Variants in VPS13B observed in about 807,000 individuals in gnomAD.
The protein encoded by VPS13B is intermembrane lipid transfer protein VPS13B.
VPS13B carries 285 observed loss-of-function variants against 426.4 expected under a neutral mutation model. That is an observed-to-expected ratio of 0.67 (90% CI 0.61 to 0.74). The LOEUF (loss-of-function observed/expected upper bound fraction) is 0.74. Among genes scored for constraint, VPS13B ranks in the 30% least tolerant of loss-of-function variants. The pLI, the probability that VPS13B is intolerant of heterozygous loss-of-function variation, is 0.00. For missense variants in VPS13B, 4,537 were observed against 4,782.6 expected (o/e 0.95, Z 1.51); for synonymous variants, 1,676 against 1,676.4 (o/e 1.00, Z 0.01).
At chr8:99,735,706 A>G (rs1833795667) in intron 39 of VPS13B, among the ~76,000 whole-genome samples, 1 of 152,200 alleles carries the variant, frequency 6.6e-6, no homozygotes, top group African/African-American at 2.4e-5. Context: ...GGAAACTAAT[A>G]CAGGAATCAA....
intron 34 of VPS13B, among the ~76,000 whole-genome samples, chr8:99,659,035 A>G (rs1282832350): frequency 2.0e-5 from 3 of 152,034 alleles, no homozygotes; most frequent in Non-Finnish European, 2.9e-5. Flanking sequence ...GGGTTTCACC[A>G]TGTCACCCAG....
At chr8:99,490,634 G>T (rs957650054) in intron 25 of VPS13B, among the ~76,000 whole-genome samples, 4 of 152,160 alleles carry the variant, frequency 2.6e-5, no homozygotes, top group African/African-American at 4.8e-5. Context: ...TCTTGGGAGG[G>T]TGTATATGTC....
chr8:99,696,876 A>G (rs750409324), intron 35 of VPS13B: 212 of 820,404 alleles, frequency 2.6e-4, no homozygotes, highest in Non-Finnish European at 4.0e-4. Context: ...ATCGGCATCA[A>G]CAACTTCTGC....
chr8:99,512,304 A>C (rs1821833107), intron 29 of VPS13B, among the ~76,000 whole-genome samples: 1 of 152,230 alleles, frequency 6.6e-6, no homozygotes, highest in Non-Finnish European at 1.5e-5. Context: ...AAGAATAAAG[A>C]GTTAGTCTTT....
intron 25 of VPS13B, among the ~76,000 whole-genome samples, chr8:99,497,087 AAT>A (rs1233714430): frequency 4.2e-5 from 6 of 143,808 alleles, no homozygotes; most frequent in Non-Finnish European, 9.1e-5. Context: ...AATATATATA[AAT>A]ATATATATTT....
At chr8:99,544,141 T>C (rs1469313317) in intron 30 of VPS13B, among the ~76,000 whole-genome samples, 1 of 151,692 alleles carries the variant, frequency 6.6e-6, no homozygotes, top group East Asian at 1.9e-4. Flanking sequence ...CCATAAAAAA[T>C]GATGAGTTCA....
chr8:99,055,399 A>G (rs1409919021), intron 3 of VPS13B, among the ~76,000 whole-genome samples: 1 of 152,114 alleles, frequency 6.6e-6, no homozygotes, highest in Non-Finnish European at 1.5e-5. Flanking sequence ...ATGAATTTGA[A>G]GATTAGCTTT....
At chr8:99,044,472 C>T (rs928492477) in intron 3 of VPS13B, among the ~76,000 whole-genome samples, 13 of 151,366 alleles carry the variant, frequency 8.6e-5, no homozygotes, top group Non-Finnish European at 1.5e-4. Flanking sequence ...TACAATCAAC[C>T]ATTTTATTTT....
chr8:99,649,906 G>A (rs1466622253), intron 34 of VPS13B, among the ~76,000 whole-genome samples: 2 of 152,020 alleles, frequency 1.3e-5, no homozygotes, highest in African/African-American at 2.4e-5. Context: ...TCATCACAAC[G>A]TCGGTTATAG....
At chr8:99,119,155 C>T (rs551502634) in intron 7 of VPS13B, among the ~76,000 whole-genome samples, 1 of 151,882 alleles carries the variant, frequency 6.6e-6, no homozygotes, top group Non-Finnish European at 1.5e-5. Context: ...TGATTATCGG[C>T]CTTTATCTGC....
chr8:99,100,585 C>T (rs1458341207), intron 4 of VPS13B, among the ~76,000 whole-genome samples: 1 of 152,110 alleles, frequency 6.6e-6, no homozygotes, highest in Non-Finnish European at 1.5e-5. Flanking sequence ...CCACCATGCC[C>T]AGCCAGAAAA....
chr8:99,302,360 G>A (rs1439500648), intron 19 of VPS13B, among the ~76,000 whole-genome samples: 5 of 152,112 alleles, frequency 3.3e-5, no homozygotes, highest in African/African-American at 1.2e-4. Context: ...CATTTAATAT[G>A]CCTAACCTAC....
chr8:99,070,784 C>A (rs1844817032), intron 3 of VPS13B, among the ~76,000 whole-genome samples: 1 of 151,840 alleles, frequency 6.6e-6, no homozygotes, highest in African/African-American at 2.4e-5. Flanking sequence ...TTCCATTATT[C>A]TTTTTTCTTT....
chr8:99,426,172 T>C (rs1301818830), intron 21 of VPS13B, among the ~76,000 whole-genome samples: 1 of 148,922 alleles, frequency 6.7e-6, no homozygotes, highest in Non-Finnish European at 1.5e-5. Context: ...GTTTGGTTTT[T>C]TGTTCTTGCG....
At chr8:99,613,692 A>G (rs1827938891) in intron 33 of VPS13B, 1 of 152,230 alleles carries the variant, frequency 6.6e-6, no homozygotes, top group Non-Finnish European at 1.5e-5. Flanking sequence ...GGTTATAGAA[A>G]TGTAAAATTG....
chr8:99,874,659 G>T (rs1423234115), intron 61 of VPS13B, among the ~76,000 whole-genome samples: 1 of 151,916 alleles, frequency 6.6e-6, no homozygotes, highest in Non-Finnish European at 1.5e-5. Flanking sequence ...ATAGCTAAAG[G>T]ACTTCAGGGT....
chr8:99,848,645 A>C, intron 54 of VPS13B, 131 bp from the exon 55 acceptor site: 1 of 873,216 alleles, frequency 1.1e-6, no homozygotes, highest in Non-Finnish European at 1.9e-6. Context: ...TAGCCCGTAC[A>C]CATGGATATA....
rs1386160206 is a variant in VPS13B at position 99,699,519 on chromosome 8, C to T, written c.6047-6C>T. 1 of 1,612,868 alleles carries T rather than the reference C, an allele frequency of 6.2e-7. No individual in the cohort carries two copies. Among genetic ancestry groups the T allele is most frequent in the African/African-American group, 1.3e-5 (1 of 74,890 alleles). On this transcript the variant is annotated splice_region_variant and splice_polypyrimidine_tract_variant and intron_variant, in intron 35 of 61. Coordinates refer to ENST00000357162, the MANE Select transcript of VPS13B (RefSeq NM_152564.5). ...AATAATTGTTTTCTCTTTTTTACTT[C>T]TATAGCGGATGTCAATTTGGATATA...
chr8:99,187,368 G>A (rs999483647), intron 16 of VPS13B, among the ~76,000 whole-genome samples: 2 of 152,162 alleles, frequency 1.3e-5, no homozygotes, highest in East Asian at 1.9e-4. Context: ...TTGGAAAAGC[G>A]AAAGGAAATA....
Sources: allele counts gnomAD v4.1 joint callset (sites outside exome capture counted in the v4.1 genomes callset), GRCh38; gene constraint gnomAD v4.1.1; transcripts MANE v1.5; gene names NCBI Gene and HGNC (gene_info 2026-07-23, HGNC 2026-07-21).